Variants in CAPN8 observed in about 807,000 individuals in gnomAD.
The protein encoded by CAPN8 is calpain 8.
Under a neutral mutation model 80.9 loss-of-function variants are expected in CAPN8, and 87 were observed. The observed-to-expected ratio is 1.07, with a 90% confidence interval of 0.90 to 1.28. CAPN8 has a LOEUF of 1.28. Among genes scored for constraint, CAPN8 ranks in the 50% most tolerant of loss-of-function variants. The pLI, the probability that CAPN8 is intolerant of heterozygous loss-of-function variation, is 0.00. For synonymous variants in CAPN8, 299 were observed against 273.8 expected (o/e 1.09, Z -0.91); for missense variants, 757 against 702.0 (o/e 1.08, Z -0.89).
At chr1:223,662,510 A>C (rs562694232) in intron 1 of CAPN8, among the ~76,000 whole-genome samples, 1 of 152,294 alleles carries the variant, frequency 6.6e-6, no homozygotes, top group Admixed American at 6.5e-5. Flanking sequence ...AATTCGGGGA[A>C]GAATGAATGG....
intron 6 of CAPN8, among the ~76,000 whole-genome samples, chr1:223,623,523 A>T (rs1572238629): frequency 6.6e-6 from 1 of 152,198 alleles, no homozygotes; most frequent in African/African-American, 2.4e-5. Flanking sequence ...CTATTTATTG[A>T]ACACTCAAGC....
chr1:223,555,315 G>A (rs1656879316), intron 13 of CAPN8, among the ~76,000 whole-genome samples: 2 of 152,162 alleles, frequency 1.3e-5, no homozygotes, highest in East Asian at 3.9e-4. Flanking sequence ...TCCAGCCCAT[G>A]CACTTCTCCA....
rs1656516753 is a variant in CAPN8, at chr1:223,543,165, T to G, written c.2031A>C (p.Lys677Asn). ...ACMIRLETLFKLFSLLDEDKD... is the reference protein window; with the variant it reads ...ACMIRLETLFNLFSLLDEDKD... ...TGTCTTCGTCCAGAAGGCTGAATAG[T>G]TCTAAAACACCAGAGAAGGAAATGA... The change falls in exon 20 of 21, where the codon AAA (lysine) becomes AAC (asparagine). Residue 677 changes from lysine (K) to asparagine (N), a missense_variant and splice_region_variant. Lys to Asn is a moderately conservative substitution (Grantham distance 94). Transcript: ENST00000366872. The G allele has an allele frequency of 1.9e-6, 3 of 1,551,590 alleles. No individual in the cohort carries two copies. The South Asian group carries it at 3.6e-5, about 18-fold the overall frequency.
intron 2 of CAPN8, among the ~76,000 whole-genome samples, chr1:223,649,041 T>C (rs1658270471): frequency 6.6e-6 from 1 of 152,228 alleles, no homozygotes; most frequent in Non-Finnish European, 1.5e-5. Context: ...AAAAGCACTC[T>C]AATTTCTTTC....
chr1:223,549,937 A>G (rs1001183709), intron 15 of CAPN8, among the ~76,000 whole-genome samples: 4 of 152,234 alleles, frequency 2.6e-5, no homozygotes, highest in Non-Finnish European at 4.4e-5. Flanking sequence ...GAGAGGTTAT[A>G]TGATTTGCTC....
chr1:223,637,096 T>C (rs1657912753), intron 2 of CAPN8, among the ~76,000 whole-genome samples: 1 of 152,228 alleles, frequency 6.6e-6, no homozygotes. Context: ...ATATCATGGT[T>C]AGACTCAGGT....
At chr1:223,616,434 C>T (rs925811273) in intron 9 of CAPN8, among the ~76,000 whole-genome samples, 10 of 152,198 alleles carry the variant, frequency 6.6e-5, no homozygotes, top group Admixed American at 3.9e-4. Flanking sequence ...TTCAGGATCC[C>T]ATGATCCGAG....
intron 1 of CAPN8, among the ~76,000 whole-genome samples, chr1:223,659,735 C>G (rs774095659): frequency 9.9e-5 from 15 of 152,182 alleles, no homozygotes; most frequent in Non-Finnish European, 1.6e-4. Flanking sequence ...ATTCAAGCAT[C>G]CCAATAACCA....
intron 2 of CAPN8, among the ~76,000 whole-genome samples, chr1:223,639,390 T>C (rs774911422): frequency 7.2e-5 from 11 of 152,210 alleles, no homozygotes; most frequent in Non-Finnish European, 1.5e-4. Flanking sequence ...CACACCCTCA[T>C]CAGTGTATTG....
At position 223,654,389 on chromosome 1, in the gene CAPN8, G is replaced by A. The variant is rs1558357353; in HGVS notation, c.248C>T (p.Pro83Leu). Residue 83 changes from proline to leucine, a missense_variant, in exon 2 of 21, where the codon CCC becomes CTC. By Grantham distance (98) the Pro-to-Leu change is moderately conservative. Coordinates refer to ENST00000366872, the MANE Select transcript of CAPN8 (RefSeq NM_001143962.2). Reference sequence around the variant, plus strand: ...TCCACCAACGATAAACTGAGGGCTGGGACACAACTCCTGAAAGTAATTTGG... The same window carrying A: ...TCCACCAACGATAAACTGAGGGCTGAGACACAACTCCTGAAAGTAATTTGG... The part of the protein sequence containing the change: ...IIWKRPTELC[P>L]SPQFIVGGAT... 6.4e-7 allele frequency: 1 copy of A among 1,551,630 alleles called. No homozygotes were observed. Among genetic ancestry groups the A allele is most frequent in the Non-Finnish European group, 8.7e-7 (1 of 1,146,972 alleles).
chr1:223,627,020 C>G lies in CAPN8; in HGVS notation c.698G>C (p.Cys233Ser). Residue 233 changes from cysteine (C) to serine (S), a missense_variant, in exon 5 of 21, where the codon TGT becomes TCT. Transcript: ENST00000366872. ...GGAGCAGCCCAGCAGAGACCCCGCA[C>G]AGAGGGCCTTCCGGATGATCTGATA... ...NLYQIIRKALCAGSLLGCSID... is the reference protein window; with the variant it reads ...NLYQIIRKALSAGSLLGCSID... The G allele has an allele frequency of 6.4e-7, 1 of 1,551,914 alleles. No homozygotes were observed. The highest frequency in any genetic ancestry group is 1.2e-5 in the South Asian group (1 of 84,062).
chr1:223,618,467 C>T (rs1260220701), intron 9 of CAPN8, among the ~76,000 whole-genome samples: 1 of 152,250 alleles, frequency 6.6e-6, no homozygotes, highest in Admixed American at 6.5e-5. Flanking sequence ...TGCCCCTCCA[C>T]CTCCAACTCA....
chr1:223,662,845 T>C (rs1658683314), intron 1 of CAPN8, among the ~76,000 whole-genome samples: 1 of 152,198 alleles, frequency 6.6e-6, no homozygotes, highest in African/African-American at 2.4e-5. Flanking sequence ...TCAATGCATG[T>C]TCCTCATAGA....
intron 7 of CAPN8, chr1:223,622,498 C>T (rs1277107045): frequency 2.1e-5 from 7 of 341,132 alleles, no homozygotes; most frequent in Admixed American, 4.5e-5. Flanking sequence ...TGTGAGTGAT[C>T]GATTTGACCT....
In CAPN8 at chr1:223,541,829, C is replaced by G; in HGVS notation, c.*7G>C. ...CAGGGAGTGTCACTGATGTCCGAAACCCCGGGTCAGACCAACACGCAGCAC... is the reference window on the plus strand; with the variant it reads ...CAGGGAGTGTCACTGATGTCCGAAAGCCCGGGTCAGACCAACACGCAGCAC... On this transcript the variant is annotated 3_prime_UTR_variant, in exon 21 of 21. Transcript: ENST00000366872. 1 of 1,551,404 alleles carries G rather than the reference C, an allele frequency of 6.4e-7. No homozygotes were observed. The highest frequency in any genetic ancestry group is 8.7e-7 in the Non-Finnish European group (1 of 1,146,878).
intron 7 of CAPN8, chr1:223,622,481 AAC>A: frequency 3.5e-6 from 1 of 286,790 alleles, no homozygotes; most frequent in South Asian, 5.6e-5. Flanking sequence ...AGTGGAAAGA[AAC>A]AGACTGTGAG....
intron 1 of CAPN8, among the ~76,000 whole-genome samples, chr1:223,656,935 C>G (rs543774584): frequency 1.3e-5 from 2 of 152,012 alleles, no homozygotes; most frequent in African/African-American, 4.8e-5. Context: ...CCGCCCGCCT[C>G]GGCCTCCCAA....
At chr1:223,630,778 G>A (rs1293948211) in intron 2 of CAPN8, among the ~76,000 whole-genome samples, 2 of 152,114 alleles carry the variant, frequency 1.3e-5, no homozygotes, top group African/African-American at 4.8e-5. Flanking sequence ...GGTAGTCGAG[G>A]GAAACAGAGT....
intron 10 of CAPN8, 94 bp downstream of exon 10, chr1:223,615,876 C>T (rs1657160069): frequency 2.7e-6 from 4 of 1,456,300 alleles, no homozygotes; most frequent in Middle Eastern, 1.7e-4. Context: ...AGGAATACTC[C>T]AGCAATAGGA....
Sources: allele counts gnomAD v4.1 joint callset (sites outside exome capture counted in the v4.1 genomes callset), GRCh38; gene constraint gnomAD v4.1.1; transcripts MANE v1.5; gene names NCBI Gene and HGNC (gene_info 2026-07-23, HGNC 2026-07-21).